DIPK1A: variants seen among roughly 807,000 people sequenced by gnomAD.
DIPK1A encodes the protein family with sequence similarity 69 member A.
Under a neutral mutation model 40.8 loss-of-function variants are expected in DIPK1A, and 27 were observed. The observed-to-expected ratio is 0.66, with a 90% CI of 0.49 to 0.91. DIPK1A has a LOEUF of 0.91. DIPK1A is among the 40% of genes least tolerant of loss of function. The pLI, the probability that DIPK1A is intolerant of heterozygous loss-of-function variation, is 0.00. For synonymous variants in DIPK1A, 166 were observed against 171.3 expected (o/e 0.97, Z 0.24); for missense variants, 412 against 505.7 (o/e 0.81, Z 1.78).
chr1:92,916,301 T>C (rs2100845237), intron 1 of DIPK1A, among the ~76,000 whole-genome samples: 1 of 151,462 alleles, frequency 6.6e-6, no homozygotes, highest in African/African-American at 2.4e-5. Flanking sequence ...ATCCTTTTTT[T>C]CTTTTTTTTT....
intron 2 of DIPK1A, among the ~76,000 whole-genome samples, chr1:92,862,655 G>A (rs548482340): frequency 2.0e-5 from 3 of 152,116 alleles, no homozygotes; most frequent in South Asian, 2.1e-4. Context: ...AACATAAATC[G>A]GATCAGTCAC....
At chr1:92,845,408 CCAG>C (rs1296131263) in intron 4 of DIPK1A, 1 of 250,848 alleles carries the variant, frequency 4.0e-6, no homozygotes, top group East Asian at 1.4e-4. Context: ...ATTGCTCAAG[CCAG>C]TAATTCCAGC....
chr1:92,865,760 C>T (rs114489968), intron 2 of DIPK1A, among the ~76,000 whole-genome samples: 21 of 152,226 alleles, frequency 1.4e-4, no homozygotes, highest in African/African-American at 5.1e-4. Context: ...ATAGCATTAC[C>T]CTAAATCTTT....
intron 1 of DIPK1A, among the ~76,000 whole-genome samples, chr1:92,935,321 T>C (rs938633520): frequency 6.6e-6 from 1 of 152,236 alleles, no homozygotes; most frequent in Non-Finnish European, 1.5e-5. Flanking sequence ...AATTGCAATA[T>C]ACTTTTATTT....
chr1:92,869,296 G>A (rs2100762535), intron 2 of DIPK1A, among the ~76,000 whole-genome samples: 1 of 151,960 alleles, frequency 6.6e-6, no homozygotes, highest in African/African-American at 2.4e-5. Flanking sequence ...AAGTAGCTGG[G>A]ACTACAGGTG....
In DIPK1A at chr1:92,842,611, TAC is replaced by T. The variant is rs1491060032; in HGVS notation, c.*770_*771del. ...CTATAATTTATTTTAGTCTTGCACT[TAC>T]AGTCCCACTTTCACATAGTTCAAAA... On this transcript the variant is annotated 3_prime_UTR_variant, in exon 5 of 5. Transcript: ENST00000370310. 210 of 985,138 alleles carry T rather than the reference TAC, an allele frequency of 2.1e-4. No individual in the cohort carries two copies. In the African/African-American group the frequency reaches 3.5e-3, roughly 16 times the overall value. 61.0% of individuals were successfully genotyped at this position (985,138 alleles called of 1,614,324 possible). A position where few individuals can be genotyped will look rare whatever the true frequency, so the allele number is the denominator to read the frequency against.
chr1:92,917,036 T>C (rs1271348279), intron 1 of DIPK1A, among the ~76,000 whole-genome samples: 6 of 152,236 alleles, frequency 3.9e-5, no homozygotes, highest in Non-Finnish European at 8.8e-5. Flanking sequence ...CTGTAATCAG[T>C]GTACATATAA....
intron 1 of DIPK1A, among the ~76,000 whole-genome samples, chr1:92,923,912 T>C (rs1398295852): frequency 6.6e-6 from 1 of 152,182 alleles, no homozygotes; most frequent in Non-Finnish European, 1.5e-5. Context: ...AAAACGAAAC[T>C]ACAATCTCCA....
chr1:92,851,556 A>AAAAAAAAAAC (rs1345452707), intron 2 of DIPK1A, among the ~76,000 whole-genome samples: 2 of 94,962 alleles, frequency 2.1e-5, no homozygotes. Context: ...AAAAAAAAAA[A>AAAAAAAAAAC]AAAAAACTTC....
chr1:92,882,261 G>A (rs549074230), intron 1 of DIPK1A, among the ~76,000 whole-genome samples: 7 of 152,296 alleles, frequency 4.6e-5, no homozygotes, highest in African/African-American at 1.4e-4. Flanking sequence ...GATGGCATGC[G>A]CCTGTAATCC....
At chr1:92,914,220 TG>T (rs2100841066) in intron 1 of DIPK1A, among the ~76,000 whole-genome samples, 1 of 151,424 alleles carries the variant, frequency 6.6e-6, no homozygotes, top group East Asian at 1.9e-4. Context: ...TCAGATGAAT[TG>T]GATTAACGAG....
rs1557449711 is a variant in DIPK1A, at chr1:92,846,815, A to ATATATATGTGTG, written c.474+367_474+368insCACACATATATA. Among the ~76,000 whole-genome samples the ATATATATGTGTG allele has an allele frequency of 3.1e-3, 14 of 4,584 alleles. 2 individuals are homozygous for ATATATATGTGTG. The highest frequency in any genetic ancestry group is 0.014 in the East Asian group (2 of 142). 3.0% of individuals were successfully genotyped at this position (4,584 alleles called of 152,430 possible). ...GGCATATATATATATATATATATAT[A>ATATATATGTGTG]TATATATATATATATATATATATAT... is the stretch of plus-strand genomic sequence containing the variant. On this transcript the variant is annotated intron_variant, in intron 4 of 4. Transcript: ENST00000370310.
At chr1:92,889,697 G>A (rs2774953) in intron 1 of DIPK1A, among the ~76,000 whole-genome samples, 98,585 of 151,196 alleles carry the variant, frequency 0.65, 32,558 homozygotes, top group East Asian at 0.95. Flanking sequence ...ACACAGGCTG[G>A]AGTGCAGTGA....
At chr1:92,949,421 C>G (rs1050397971) in intron 1 of DIPK1A, among the ~76,000 whole-genome samples, 1 of 151,946 alleles carries the variant, frequency 6.6e-6, no homozygotes, top group Non-Finnish European at 1.5e-5. Context: ...ATTACAGGCA[C>G]CCACCACCAC....
chr1:92,849,547 A>G (rs1452345865), intron 3 of DIPK1A, among the ~76,000 whole-genome samples: 5 of 151,124 alleles, frequency 3.3e-5, no homozygotes, highest in African/African-American at 7.3e-5. Flanking sequence ...GTCTCGCTCT[A>G]TTGTCCAGGC....
chr1:92,862,355 AG>A (rs1647319264), intron 2 of DIPK1A, among the ~76,000 whole-genome samples: 3 of 152,334 alleles, frequency 2.0e-5, no homozygotes, highest in African/African-American at 7.2e-5. Flanking sequence ...CCTCAGTGGA[AG>A]GTGCCATCAA....
At chr1:92,883,814 A>G (rs950321655) in intron 1 of DIPK1A, among the ~76,000 whole-genome samples, 2 of 152,196 alleles carry the variant, frequency 1.3e-5, no homozygotes, top group African/African-American at 4.8e-5. Flanking sequence ...ACATAAGGGC[A>G]TGACTACTAG....
intron 4 of DIPK1A, chr1:92,836,801 T>C (rs1387676406): frequency 1.4e-5 from 3 of 220,242 alleles, no homozygotes; most frequent in Non-Finnish European, 1.8e-5. Context: ...AAAAGGCTTA[T>C]GAAAGATTTC....
At chr1:92,877,783 G>C (rs1648192859) in intron 1 of DIPK1A, among the ~76,000 whole-genome samples, 2 of 152,146 alleles carry the variant, frequency 1.3e-5, no homozygotes, top group Non-Finnish European at 2.9e-5. Context: ...ATATACCATG[G>C]GGTTTGTTTG....
Sources: gnomAD v4.1 joint callset for allele counts (sites outside exome capture counted in the v4.1 genomes callset) on GRCh38, gnomAD v4.1.1 for gene constraint, MANE v1.5 for transcripts, NCBI Gene and HGNC (gene_info 2026-07-23, HGNC 2026-07-21) for gene names.